KCTD15: variants seen among roughly 807,000 people sequenced by gnomAD.
KCTD15 encodes potassium channel tetramerization domain containing 15, also known as BTB/POZ domain-containing protein KCTD15.
In KCTD15, 11 loss-of-function variants were observed where a neutral mutation model predicts 27.2. The observed-to-expected ratio is 0.41, with a 90% CI of 0.25 to 0.67. The LOEUF is 0.67. Among genes scored for constraint, KCTD15 ranks in the 30% least tolerant of loss-of-function variants. The pLI, the probability that KCTD15 is intolerant of heterozygous loss-of-function variation, is 0.35. For synonymous variants in KCTD15, 163 were observed against 176.0 expected, an observed-to-expected ratio of 0.93 and a Z score of 0.58; for missense variants, 350 against 409.3, an observed-to-expected ratio of 0.86 and a Z score of 1.25.
chr19:33,811,843 A>ACACC (rs1568383674), intron 6 of KCTD15: 1 of 1,606,148 alleles, frequency 6.2e-7, no homozygotes, highest in Admixed American at 1.7e-5. Flanking sequence ...GCTTCATTTG[A>ACACC]CACCCAGAGT....
Position 33,813,524 on chromosome 19 carries a change from T to C in KCTD15, c.*576T>C, listed in dbSNP as rs756573806. 9.9e-5 allele frequency: 40 copies of C among 403,560 alleles called. No individual in the cohort carries two copies. Among genetic ancestry groups the C allele is most frequent in the Non-Finnish European group, 1.6e-4 (32 of 203,452 alleles). The allele number at this position is 403,560 out of a possible 1,614,324, so 25.0% of individuals were successfully genotyped here. ...GCCCAGATGCCTGCAGGGCTGGGGC[T>C]CTCGGGACAGATGCAGGGATGTGTG... On this transcript the variant is annotated 3_prime_UTR_variant, in exon 7 of 7. Transcript: ENST00000683859.
In KCTD15 at chr19:33,798,273, G is replaced by C. The variant is rs1257594164; in HGVS notation, c.-126-395G>C. On this transcript the variant is annotated intron_variant, in intron 1 of 6. Transcript: ENST00000683859. ...ATGGTTAAAATAACAGCTTAGCAAA[G>C]AAGCGACTTCAGAAGAAGCGATTTA... is the stretch of plus-strand genomic sequence containing the variant. 4 of 90,132 alleles carry C rather than the reference G, an allele frequency of 4.4e-5. No individual in the cohort carries two copies. In the East Asian group the frequency reaches 8.5e-4, roughly 19 times the overall value. The allele number at this position is 90,132 out of a possible 1,614,324, so 5.6% of individuals were successfully genotyped here.
chr19:33,796,712 CGGCGGCGGA>C (rs1191906857), upstream of KCTD15: 3 of 141,032 alleles, frequency 2.1e-5, no homozygotes, highest in Non-Finnish European at 3.1e-5. Flanking sequence ...GAGGAGGCGG[CGGCGGCGGA>C]GGCGGCGGCC....
chr19:33,806,734 C>T, intron 4 of KCTD15, 129 bp from the exon 5 acceptor site: 2 of 1,044,418 alleles, frequency 1.9e-6, no homozygotes, highest in Non-Finnish European at 1.4e-6. Flanking sequence ...GGAACAGTTC[C>T]AGAGTCACCC....
Position 33,811,530 on chromosome 19 carries a change from A to G in KCTD15, c.671A>G (p.Tyr224Cys), listed in dbSNP as rs1188455660. The stretch of plus-strand genomic sequence containing the variant: ...GTCATCCGCTTCCCGCTCAATGGCT[A>G]CTGCCGGCTCAACTCGGTACAGGTG... ...THVIRFPLNG[Y>C]CRLNSVQVLE... is the part of the protein sequence containing the mutation. Residue 224 changes from tyrosine to cysteine, a missense_variant, in exon 6 of 7, where the codon TAC (tyrosine) becomes TGC (cysteine). By Grantham distance (194) the Tyr-to-Cys change is radical. Transcript: ENST00000683859. 3.7e-6 allele frequency: 6 copies of G among 1,607,870 alleles called. No individual in the cohort carries two copies. The highest frequency in any genetic ancestry group is 4.3e-6 in the Non-Finnish European group (5 of 1,176,080).
chr19:33,798,213 A>T (rs1468549514), intron 1 of KCTD15: 1 of 152,226 alleles, frequency 6.6e-6, no homozygotes, highest in East Asian at 1.9e-4. Context: ...TGCGGAGCCG[A>T]GGGGAGCTCG....
At chr19:33,795,458 G>A (rs1009710476), upstream of KCTD15, among the ~76,000 whole-genome samples, 11 of 151,966 alleles carry the variant, frequency 7.2e-5, no homozygotes, top group Non-Finnish European at 1.5e-4. Flanking sequence ...CCGGGAGTGC[G>A]GCCGCTAGGG....
chr19:33,801,087 G>A, intron 3 of KCTD15, 80 bp from the exon 4 acceptor site: 7 of 1,314,248 alleles, frequency 5.3e-6, no homozygotes, highest in Non-Finnish European at 5.3e-6. Context: ...TCTCAATAAA[G>A]GGAGTGCATG....
intron 1 of KCTD15, chr19:33,797,516 C>A: frequency 2.6e-6 from 1 of 384,846 alleles, no homozygotes; most frequent in Non-Finnish European, 5.4e-6. Flanking sequence ...GAGGGGCTGT[C>A]GCGCTGGTGG....
upstream of KCTD15, among the ~76,000 whole-genome samples, chr19:33,795,351 A>C (rs1467873260): frequency 2.6e-5 from 4 of 152,106 alleles, no homozygotes; most frequent in African/African-American, 4.8e-5. Flanking sequence ...GAGGTCCTCT[A>C]GTAGAGGGAG....
At chr19:33,800,666 A>C (rs1359863090) in intron 3 of KCTD15, 146 bp downstream of exon 3, 2 of 732,300 alleles carry the variant, frequency 2.7e-6, no homozygotes, top group Admixed American at 2.8e-5. Context: ...TTTTGAAACA[A>C]AAATGCTCTT....
At chr19:33,804,566 G>C (rs543271615) in intron 4 of KCTD15, among the ~76,000 whole-genome samples, 1 of 152,116 alleles carries the variant, frequency 6.6e-6, no homozygotes, top group Non-Finnish European at 1.5e-5. Context: ...ACTTCCCACC[G>C]GTGCCACACA....
chr19:33,806,274 T>C (rs1356192471), intron 4 of KCTD15, among the ~76,000 whole-genome samples: 1 of 152,114 alleles, frequency 6.6e-6, no homozygotes, highest in Non-Finnish European at 1.5e-5. Context: ...TGTTGACAGG[T>C]GTGTGTCCTT....
rs1206075563 is a variant in KCTD15, at chr19:33,815,104, T to C, written c.*2156T>C. On this transcript the variant is annotated 3_prime_UTR_variant, in exon 7 of 7. Transcript: ENST00000683859. ...TGTATGTTTATGGATTTTTCTGATA[T>C]AACAGCCAGCATGGTTACCGAGTGG... 1.3e-5 allele frequency: 2 copies of C among 152,202 alleles called. No homozygotes were observed. The highest frequency in any genetic ancestry group is 2.4e-5 in the African/African-American group (1 of 41,440). The allele number at this position is 152,202 out of a possible 1,614,324, so 9.4% of individuals were successfully genotyped here. A position where few individuals can be genotyped will look rare whatever the true frequency, so the allele number is the denominator to read the frequency against.
At position 33,812,820 on chromosome 19, in the gene KCTD15, A is replaced by G. The variant is rs1476167251; in HGVS notation, c.724A>G (p.Ser242Gly). ...GGAGCGGCTGTTCCAGAGGGGTTTCAGCGTGGCTGCGTCCTGTGGGGGCGG... is the reference window on the plus strand; with the variant it reads ...GGAGCGGCTGTTCCAGAGGGGTTTCGGCGTGGCTGCGTCCTGTGGGGGCGG... ...VLERLFQRGF[S>G]VAASCGGGVD... Residue 242 changes from serine to glycine, a missense_variant, in exon 7 of 7, where the codon AGC becomes GGC. Ser to Gly is a moderately conservative substitution (Grantham distance 56). Coordinates refer to ENST00000683859, the MANE Select transcript of KCTD15 (RefSeq NM_001129994.2). 6.6e-7 allele frequency: 1 copy of G among 1,506,184 alleles called. No homozygotes were observed. The highest frequency in any genetic ancestry group is 2.2e-5 in the Admixed American group (1 of 45,306). 93.3% of individuals were successfully genotyped at this position (1,506,184 alleles called of 1,614,324 possible). A position where few individuals can be genotyped will look rare whatever the true frequency, so the allele number is the denominator to read the frequency against.
intron 5 of KCTD15, among the ~76,000 whole-genome samples, chr19:33,810,297 C>T (rs1444670752): frequency 1.3e-5 from 2 of 152,224 alleles, no homozygotes; most frequent in African/African-American, 2.4e-5. Context: ...CTTTATCACA[C>T]TCTGCCTGTT....
intron 4 of KCTD15, among the ~76,000 whole-genome samples, chr19:33,804,121 T>C (rs1010572638): frequency 5.3e-5 from 8 of 152,188 alleles, no homozygotes; most frequent in Non-Finnish European, 1.2e-4. Context: ...GGCTGAGGGC[T>C]CCTCCATGGT....
intron 5 of KCTD15, among the ~76,000 whole-genome samples, chr19:33,808,952 T>C (rs1469815263): frequency 6.6e-6 from 1 of 151,274 alleles, no homozygotes; most frequent in Admixed American, 6.6e-5. Flanking sequence ...CTGGACAACA[T>C]AGCAAGATGC....
At chr19:33,801,421 C>A (rs1975541730) in intron 4 of KCTD15, 79 bp downstream of exon 4, 15 of 1,256,976 alleles carry the variant, frequency 1.2e-5, no homozygotes, top group Non-Finnish European at 1.5e-5. Flanking sequence ...GGGGTGGGGT[C>A]TCTCCCCACT....
Sources: allele counts gnomAD v4.1 joint callset (sites outside exome capture counted in the v4.1 genomes callset), GRCh38; gene constraint gnomAD v4.1.1; transcripts MANE v1.5; gene names NCBI Gene and HGNC (gene_info 2026-07-23, HGNC 2026-07-21).